Variants in CALN1 observed in about 807,000 individuals in gnomAD.
CALN1 encodes calneuron 1, also known as calcium-binding protein 8.
CALN1 carries 17 observed loss-of-function variants against 30.6 expected under a neutral mutation model. That is an observed-to-expected ratio of 0.56 (90% confidence interval 0.38 to 0.83). The LOEUF (loss-of-function observed/expected upper bound fraction) is 0.83, where lower values mean the gene tolerates loss of function less well. Ranked by LOEUF, CALN1 falls within the 40% of genes least tolerant of loss-of-function variation. CALN1 has a pLI of 0.00. For missense variants in CALN1, 291 were observed against 354.9 expected (o/e 0.82, Z 1.45); for synonymous variants, 156 against 131.4 (o/e 1.19, Z -1.28).
At chr7:72,361,608 C>T (rs1803572194) in intron 2 of CALN1, among the ~76,000 whole-genome samples, 1 of 152,164 alleles carries the variant, frequency 6.6e-6, no homozygotes, top group Admixed American at 6.6e-5. Context: ...ATACACTGGA[C>T]CAAATGATAC....
intron 5 of CALN1, among the ~76,000 whole-genome samples, chr7:71,948,199 A>G (rs897083373): frequency 1.3e-5 from 2 of 151,248 alleles, no homozygotes; most frequent in African/African-American, 2.4e-5. Context: ...ATGTCAGCAG[A>G]GAAGGAGCCG....
chr7:72,280,567 G>A (rs1191586524), intron 2 of CALN1, among the ~76,000 whole-genome samples: 1 of 152,142 alleles, frequency 6.6e-6, no homozygotes, highest in Non-Finnish European at 1.5e-5. Flanking sequence ...AGACCAAAAA[G>A]CTTTAAAAGG....
chr7:72,125,928 A>G (rs1186467079), intron 3 of CALN1, among the ~76,000 whole-genome samples: 1 of 149,136 alleles, frequency 6.7e-6, no homozygotes, highest in African/African-American at 2.5e-5. Flanking sequence ...TCAGCCTCCC[A>G]AGTAGGGATT....
chr7:72,449,359 G>A (rs898669719), upstream of CALN1, among the ~76,000 whole-genome samples: 3 of 152,266 alleles, frequency 2.0e-5, no homozygotes, highest in Admixed American at 6.5e-5. Context: ...GGGATGGAGC[G>A]GAATGGCCAC....
intron 2 of CALN1, among the ~76,000 whole-genome samples, chr7:72,281,933 G>C (rs1311271318): frequency 2.0e-5 from 3 of 151,820 alleles, no homozygotes; most frequent in Non-Finnish European, 4.4e-5. Context: ...AACATAATTT[G>C]CTTCTGAAAA....
At chr7:72,472,996 G>A in the CALN1 span, among the ~76,000 whole-genome samples, 1 of 152,162 alleles carries the variant, frequency 6.6e-6, no homozygotes, top group Non-Finnish European at 1.5e-5. Flanking sequence ...CTGCTGCAGA[G>A]AAGCCCTCCT....
chr7:71,946,080 C>T (rs773807055), intron 5 of CALN1, among the ~76,000 whole-genome samples: 2 of 152,080 alleles, frequency 1.3e-5, no homozygotes, highest in Non-Finnish European at 2.9e-5. Context: ...CAAATGCAGA[C>T]TTTGTGGATT....
At chr7:72,114,309 G>GAAGGGAAGGCAAGGC (rs1350961654) in intron 3 of CALN1, among the ~76,000 whole-genome samples, 126 of 97,902 alleles carry the variant, frequency 1.3e-3, no homozygotes, top group Non-Finnish European at 1.3e-3. Flanking sequence ...GAAGGGAAGG[G>GAAGGGAAGGCAAGGC]AAGGCAACAC....
intron 2 of CALN1, among the ~76,000 whole-genome samples, chr7:72,354,903 TTTC>T (rs1015503615): frequency 4.2e-5 from 6 of 142,454 alleles, no homozygotes; most frequent in African/African-American, 5.6e-5. Context: ...TTTTTTTTCT[TTTC>T]TTTTTTTTTT....
intron 2 of CALN1, among the ~76,000 whole-genome samples, chr7:72,314,388 TATATATACAC>T (rs1026476207): frequency 2.8e-5 from 4 of 143,752 alleles, no homozygotes; most frequent in African/African-American, 7.5e-5. Context: ...TATATACACA[TATATATACAC>T]ATATATACAC....
chr7:72,305,951 C>T (rs1562865005), intron 2 of CALN1, among the ~76,000 whole-genome samples: 1 of 152,060 alleles, frequency 6.6e-6, no homozygotes, highest in Non-Finnish European at 1.5e-5. Context: ...GCACTAAATT[C>T]CATTATGAGG....
intron 5 of CALN1, among the ~76,000 whole-genome samples, chr7:71,976,631 C>A (rs1026400819): frequency 3.3e-5 from 5 of 152,206 alleles, no homozygotes; most frequent in African/African-American, 1.2e-4. Context: ...GCTTGAAAGG[C>A]TGCGTGCAGT....
chr7:71,925,287 G>A (rs964915274), intron 5 of CALN1, among the ~76,000 whole-genome samples: 1 of 150,294 alleles, frequency 6.7e-6, no homozygotes, highest in African/African-American at 2.5e-5. Context: ...AAGCAAGCAA[G>A]AAAAGAAAAG....
At chr7:71,872,780 A>G (rs564113780) in intron 5 of CALN1, among the ~76,000 whole-genome samples, 1 of 151,376 alleles carries the variant, frequency 6.6e-6, no homozygotes, top group South Asian at 2.1e-4. Flanking sequence ...TGCCCAGCTA[A>G]TTTTAGTATT....
chr7:71,943,294 G>C (rs141077842), intron 5 of CALN1, among the ~76,000 whole-genome samples: 93 of 152,312 alleles, frequency 6.1e-4, no homozygotes, highest in African/African-American at 2.2e-3. Flanking sequence ...ATATAGAGTA[G>C]ATACAGTACT....
At chr7:72,350,264 C>T (rs1802850044) in intron 2 of CALN1, among the ~76,000 whole-genome samples, 1 of 152,162 alleles carries the variant, frequency 6.6e-6, no homozygotes. Context: ...AAGCACTTCA[C>T]CCAGCAATCC....
chr7:72,478,068 AAATG>A, the CALN1 span, among the ~76,000 whole-genome samples: 1 of 151,934 alleles, frequency 6.6e-6, no homozygotes, highest in South Asian at 2.1e-4. Flanking sequence ...AGCATGTAAT[AAATG>A]AATGAATGAA....
intron 2 of CALN1, among the ~76,000 whole-genome samples, chr7:72,397,751 C>CACACACACACACACACACACA (rs869209266): frequency 6.8e-6 from 1 of 147,496 alleles, no homozygotes; most frequent in Non-Finnish European, 1.5e-5. Flanking sequence ...CACACACACA[C>CACACACACACACACACACACA]CTTGCTCCAA....
rs563944032 is a variant in CALN1 at position 72,153,065 on chromosome 7, G to A, written c.245-46771C>T. 1.2e-4 allele frequency among the ~76,000 whole-genome samples: 18 copies of A among 152,304 alleles called. No homozygotes were observed. In the South Asian group the frequency reaches 1.2e-3, roughly 11 times the overall value. On this transcript the variant is annotated intron_variant, in intron 3 of 6. Coordinates refer to ENST00000395275, the MANE Select transcript of CALN1 (RefSeq NM_031468.4). ...TCACACTGGGCTCCCCCGGCTACCA[G>A]AATCAAGCCACTTTTCCTATAAATC... is the stretch of plus-strand genomic sequence containing the variant.
Sources: gnomAD v4.1 joint callset for allele counts (sites outside exome capture counted in the v4.1 genomes callset) on GRCh38, gnomAD v4.1.1 for gene constraint, MANE v1.5 for transcripts, NCBI Gene and HGNC (gene_info 2026-07-23, HGNC 2026-07-21) for gene names.